The following OTOF variants were observed in gnomAD, a reference collection of about 807,000 sequenced individuals.
OTOF encodes the protein otoferlin, also known as fer-1-like family member 2.
In OTOF, 218 loss-of-function variants were observed where a neutral mutation model predicts 236.8. The ratio of observed to expected loss-of-function variants is 0.92; its 90% CI spans 0.82 to 1.03. The LOEUF (loss-of-function observed/expected upper bound fraction) is 1.03. Ranked by LOEUF, OTOF falls within the 50% of genes least tolerant of loss-of-function variation. The probability of loss-of-function intolerance (pLI) is 0.00; values close to 1 mark genes in which losing one functional copy is unlikely to be tolerated. For missense variants in OTOF, 2,590 were observed against 2,694.4 expected (o/e 0.96, Z 0.86); for synonymous variants, 1,041 against 1,072.5 (o/e 0.97, Z 0.57).
chr2:26,477,698 G>T lies in OTOF; in HGVS notation c.2266C>A (p.Pro756Thr), dbSNP rs752514163. Residue 756 changes from proline (P) to threonine (T), a missense_variant, in exon 19 of 47, where the codon CCT becomes ACT. Transcript: ENST00000272371. The surrounding 1 kb of genome is among the most constrained non-coding windows in gnomAD (Gnocchi z 4.7). ...AGGACGCCCCGCAGGCGACGCTCAG[G>T]GTAGGACTTCTCCGTTTTGATCATC... Reference protein sequence around the residue: ...QEMIKTEKSYPERRLRGVLEE... With the variant: ...QEMIKTEKSYTERRLRGVLEE... The T allele has an allele frequency of 6.8e-6, 11 of 1,612,532 alleles. No individual in the cohort carries two copies. Among genetic ancestry groups the T allele is most frequent in the Non-Finnish European group, 9.3e-6 (11 of 1,179,984 alleles).
chr2:26,470,652 C>T lies in OTOF; in HGVS notation c.3964G>A (p.Asp1322Asn). Reference protein sequence around the residue: ...TAEEPEEEEPDESMLDWWSKY... With the variant: ...TAEEPEEEEPNESMLDWWSKY... ...GACCACCAGTCCAGCATGCTCTCGT[C>T]TGGCTCCTCCTCCTCTGGCTCCTCC... Residue 1322 changes from aspartate to asparagine, a missense_variant, in exon 32 of 47, where the codon GAC (aspartate) becomes AAC (asparagine). Asp to Asn is a conservative substitution (Grantham distance 23, BLOSUM62 1). Transcript: ENST00000272371. This position sits in a 1 kb window ranked among gnomAD's most constrained non-coding sequence, Gnocchi z 4.3. 1 of 1,614,142 alleles carries T rather than the reference C, an allele frequency of 6.2e-7. No homozygotes were observed.
intron 22 of OTOF, 98 bp from the exon 23 acceptor site, chr2:26,476,415 C>A: frequency 1.7e-6 from 2 of 1,176,862 alleles, no homozygotes; most frequent in Non-Finnish European, 2.4e-6. Flanking sequence ...TCAGAGCTGC[C>A]CTGCCCCTTC....
intron 3 of OTOF, among the ~76,000 whole-genome samples, chr2:26,524,846 TC>T (rs1034673392): frequency 6.6e-6 from 1 of 152,232 alleles, no homozygotes; most frequent in Non-Finnish European, 1.5e-5. Flanking sequence ...AGACTTGGTT[TC>T]CCCTCCTGCA....
chr2:26,552,351 C>T (rs1339379639), intron 1 of OTOF, among the ~76,000 whole-genome samples: 2 of 152,154 alleles, frequency 1.3e-5, no homozygotes, highest in African/African-American at 4.8e-5. Context: ...GATTGTGCCA[C>T]TGCACTCCAG....
intron 1 of OTOF, among the ~76,000 whole-genome samples, chr2:26,551,624 C>T (rs1420416807): frequency 2.0e-5 from 3 of 152,228 alleles, no homozygotes; most frequent in Non-Finnish European, 4.4e-5. Context: ...ACAGGAACCA[C>T]ATCTGTCTCA....
chr2:26,548,416 A>G (rs1365029270), intron 1 of OTOF, among the ~76,000 whole-genome samples: 5 of 152,156 alleles, frequency 3.3e-5, no homozygotes, highest in African/African-American at 1.2e-4. Context: ...ACCCATCACC[A>G]CTACCTAATT....
In OTOF at chr2:26,558,635, C is replaced by T. The variant is rs886055881; in HGVS notation, c.-64G>A. On this transcript the variant is annotated 5_prime_UTR_variant, in exon 1 of 47. The change creates a new upstream start codon in the 5' untranslated region. Transcript: ENST00000272371. The stretch of plus-strand genomic sequence containing the variant: ...CGGGAAGGAGCTAGCCGGTGGAGCA[C>T]GGCTCACACGCCTCTCTCTTCTCTG... 7.9e-5 allele frequency: 106 copies of T among 1,344,258 alleles called. No homozygotes were observed. Among genetic ancestry groups the T allele is most frequent in the Non-Finnish European group, 6.4e-5 (60 of 936,994 alleles). 83.3% of individuals were successfully genotyped at this position (1,344,258 alleles called of 1,614,324 possible).
chr2:26,475,515 CAG>C, intron 24 of OTOF, 22 bp from the exon 25 acceptor site: 16 of 1,609,504 alleles, frequency 9.9e-6, no homozygotes, highest in African/African-American at 4.0e-5. Flanking sequence ...GATGGGGAGA[CAG>C]GGGACAAGTG....
rs753511095 is a variant in OTOF at position 26,527,782 on chromosome 2, G to C, written c.227+50C>G. 3 of 1,362,628 alleles carry C rather than the reference G, an allele frequency of 2.2e-6. No individual in the cohort carries two copies. The African/African-American group carries it at 4.3e-5, about 19-fold the overall frequency. The allele number at this position is 1,362,628 out of a possible 1,614,324, so 84.4% of individuals were successfully genotyped here. A position where few individuals can be genotyped will look rare whatever the true frequency, so the allele number is the denominator to read the frequency against. ...AGAGGGTAGCCCAAGGAGAAGAGCAGGCTCCCAGCCCGTCCAGGCCCAGCC... is the reference window on the plus strand; with the variant it reads ...AGAGGGTAGCCCAAGGAGAAGAGCACGCTCCCAGCCCGTCCAGGCCCAGCC... On this transcript the variant is annotated intron_variant, in intron 3 of 46. Coordinates refer to ENST00000272371, the MANE Select transcript of OTOF (RefSeq NM_194248.3).
At chr2:26,551,385 A>T (rs568148526) in intron 1 of OTOF, among the ~76,000 whole-genome samples, 1 of 152,172 alleles carries the variant, frequency 6.6e-6, no homozygotes, top group African/African-American at 2.4e-5. Flanking sequence ...CTCCTGACTC[A>T]CTTCCGGGCT....
At chr2:26,497,089 CTTTTTTTTTTTT>C (rs201349303) in intron 8 of OTOF, among the ~76,000 whole-genome samples, 12 of 97,758 alleles carry the variant, frequency 1.2e-4, no homozygotes, top group Non-Finnish European at 1.6e-4. Context: ...GTACATTCTT[CTTTTTTTTTTTT>C]TTTTTTTTTT....
intron 2 of OTOF, among the ~76,000 whole-genome samples, chr2:26,533,797 C>A (rs376844038): frequency 1.3e-5 from 2 of 152,052 alleles, no homozygotes; most frequent in African/African-American, 4.8e-5. Context: ...TTCTTTCACT[C>A]GGCAACATTT....
In OTOF at chr2:26,518,565, G is replaced by A. The variant is rs189252643; in HGVS notation, c.327+445C>T. Among the ~76,000 whole-genome samples the A allele has an allele frequency of 5.1e-4, 77 of 152,384 alleles. 1 individual carries two copies. Among genetic ancestry groups the A allele is most frequent in the Middle Eastern group, 3.4e-3 (1 of 294 alleles). ...TCTAGACTGTGCATCACTAGTGCAC[G>A]CGTGCTCACGCAAAAGTGCTGGGAT... is the stretch of plus-strand genomic sequence containing the variant. On this transcript the variant is annotated intron_variant, in intron 4 of 46. Transcript: ENST00000272371.
chr2:26,479,785 A>G (rs1425271958), intron 16 of OTOF, 132 bp from the exon 17 acceptor site: 3 of 830,254 alleles, frequency 3.6e-6, no homozygotes, highest in Non-Finnish European at 3.9e-6. Context: ...GACGTGACAC[A>G]TCATTAGCCA....
At position 26,479,330 on chromosome 2, in the gene OTOF, G is replaced by A. The variant is rs369870336; in HGVS notation, c.2148C>T (p.Ser716=). 29 of 1,612,664 alleles carry A rather than the reference G, an allele frequency of 1.8e-5. No individual in the cohort carries two copies. Among genetic ancestry groups the A allele is most frequent in the Admixed American group, 1.0e-4 (6 of 59,954 alleles). ...LERKPCIYIK[S]WWPDQRRRLY... is the part of the protein sequence containing the mutation. Reference sequence around the variant, plus strand: ...GGCGGCGGCGCTGGTCCGGCCACCAGCTCTTGATGTAGATGCAGGGCTTTC... The same window carrying A: ...GGCGGCGGCGCTGGTCCGGCCACCAACTCTTGATGTAGATGCAGGGCTTTC... Residue 716 remains serine (S), a synonymous_variant, in exon 18 of 47, where the codon AGC becomes AGT. Coordinates refer to ENST00000272371, the MANE Select transcript of OTOF (RefSeq NM_194248.3).
rs575203227 is a variant in OTOF, at chr2:26,460,772, C to T, written c.5713-25G>A. ...CCTGCAGAGGACAGACAGGTCCCAG[C>T]GTCCAGGCTGCGTGCTGGGCCCTTG... On this transcript the variant is annotated intron_variant, in intron 44 of 46. Coordinates refer to ENST00000272371, the MANE Select transcript of OTOF (RefSeq NM_194248.3). The surrounding 1 kb of genome is among the most constrained non-coding windows in gnomAD (Gnocchi z 5.3). 16 of 1,613,192 alleles carry T rather than the reference C, an allele frequency of 9.9e-6. No individual in the cohort carries two copies. In the African/African-American group the frequency reaches 1.1e-4, roughly 11 times the overall value.
chr2:26,531,436 T>C (rs1472236197), intron 2 of OTOF, among the ~76,000 whole-genome samples: 2 of 152,160 alleles, frequency 1.3e-5, no homozygotes, highest in Non-Finnish European at 2.9e-5. Flanking sequence ...GAGAATCAAA[T>C]GGGATCTCAC....
In OTOF at chr2:26,495,028, T is replaced by C. The variant is rs756372726; in HGVS notation, c.811A>G (p.Met271Val). The change falls in exon 9 of 47, where the codon ATG becomes GTG. Residue 271 changes from methionine (M) to valine (V), a missense_variant. Coordinates refer to ENST00000272371, the MANE Select transcript of OTOF (RefSeq NM_194248.3). ...IEARQLVGLN[M>V]DPVVCVEVGD... ...ACCTCCACGCACACCACAGGGTCCA[T>C]GTTCAAGCCCACCAGCTGCCGGGCC... 7.4e-6 allele frequency: 12 copies of C among 1,613,966 alleles called. No homozygotes were observed. The East Asian group carries it at 8.9e-5, about 12-fold the overall frequency.
intron 1 of OTOF, among the ~76,000 whole-genome samples, chr2:26,539,046 C>T (rs1667147229): frequency 1.3e-5 from 2 of 152,114 alleles, no homozygotes; most frequent in Non-Finnish European, 2.9e-5. Context: ...CTCTTGACCT[C>T]AAATGACCCG....
Sources: allele counts gnomAD v4.1 joint callset (sites outside exome capture counted in the v4.1 genomes callset), GRCh38; gene constraint gnomAD v4.1.1; non-coding constraint Gnocchi (gnomAD v3.1); transcripts MANE v1.5; gene names NCBI Gene and HGNC (gene_info 2026-07-23, HGNC 2026-07-21).